ZNF804B: variants seen among roughly 807,000 people sequenced by gnomAD.
ZNF804B encodes the protein zinc finger 804B.
ZNF804B carries 80 observed loss-of-function variants against 101.4 expected under a neutral mutation model. The ratio of observed to expected loss-of-function variants is 0.79; its 90% CI spans 0.66 to 0.95. The LOEUF (loss-of-function observed/expected upper bound fraction) is 0.95, where lower values mean the gene tolerates loss of function less well. Among genes scored for constraint, ZNF804B ranks in the 40% least tolerant of loss-of-function variants. ZNF804B has a pLI of 0.00. For synonymous variants in ZNF804B, 622 were observed against 558.8 expected, an observed-to-expected ratio of 1.11 and a Z score of -1.59; for missense variants, 1,673 against 1,561.9, an observed-to-expected ratio of 1.07 and a Z score of -1.20.
intron 1 of ZNF804B, among the ~76,000 whole-genome samples, chr7:88,883,074 G>C (rs1374835230): frequency 6.6e-6 from 1 of 151,828 alleles, no homozygotes. Flanking sequence ...AAAAATAGAA[G>C]AAAAAAATTT....
At chr7:89,042,232 T>C (rs1042493236) in intron 1 of ZNF804B, among the ~76,000 whole-genome samples, 5 of 152,188 alleles carry the variant, frequency 3.3e-5, no homozygotes, top group Non-Finnish European at 7.3e-5. Context: ...TTCAGTTTCC[T>C]CTAATAATAA....
chr7:88,906,342 A>C (rs893624316), intron 1 of ZNF804B, among the ~76,000 whole-genome samples: 1 of 152,034 alleles, frequency 6.6e-6, no homozygotes, highest in South Asian at 2.1e-4. Flanking sequence ...TGCAAAGTTC[A>C]GTTGTTAACT....
At chr7:89,274,172 T>TA (rs1394249939) in intron 2 of ZNF804B, among the ~76,000 whole-genome samples, 6 of 149,872 alleles carry the variant, frequency 4.0e-5, no homozygotes, top group Non-Finnish European at 5.9e-5. Flanking sequence ...TCTTTTTTTT[T>TA]ATTATACTTT....
intron 1 of ZNF804B, among the ~76,000 whole-genome samples, chr7:88,846,887 A>T (rs185743478): frequency 2.8e-4 from 42 of 150,572 alleles, no homozygotes; most frequent in African/African-American, 1.0e-3. Flanking sequence ...ATAAATATAC[A>T]CATATTTTAT....
intron 3 of ZNF804B, among the ~76,000 whole-genome samples, chr7:89,331,955 T>A (rs1790991047): frequency 6.6e-6 from 1 of 151,392 alleles, no homozygotes; most frequent in Non-Finnish European, 1.5e-5. Context: ...TCACCCAAAT[T>A]AATCAACCTT....
chr7:89,036,036 A>G (rs1788922348), intron 1 of ZNF804B, among the ~76,000 whole-genome samples: 1 of 147,084 alleles, frequency 6.8e-6, no homozygotes, highest in African/African-American at 2.5e-5. Flanking sequence ...TATGTTATAT[A>G]TATATAATCC....
At chr7:88,820,163 G>A (rs1182426436) in intron 1 of ZNF804B, among the ~76,000 whole-genome samples, 2 of 152,108 alleles carry the variant, frequency 1.3e-5, no homozygotes, top group Admixed American at 6.6e-5. Context: ...TCTAAGGAGG[G>A]CATATAGATT....
intron 1 of ZNF804B, among the ~76,000 whole-genome samples, chr7:89,139,875 C>T (rs1261493230): frequency 7.2e-5 from 11 of 152,056 alleles, no homozygotes; most frequent in East Asian, 5.8e-4. Flanking sequence ...GAATCACACA[C>T]GTTCTTGATA....
intron 1 of ZNF804B, among the ~76,000 whole-genome samples, chr7:88,881,227 A>G (rs1206575566): frequency 1.3e-5 from 2 of 152,128 alleles, no homozygotes; most frequent in African/African-American, 4.8e-5. Context: ...TAATTTTCAT[A>G]CAACTTTATT....
chr7:89,312,324 C>T (rs1243894150), intron 2 of ZNF804B, among the ~76,000 whole-genome samples: 2 of 152,186 alleles, frequency 1.3e-5, no homozygotes, highest in African/African-American at 2.4e-5. Context: ...TCTTTATGTC[C>T]TGATTGTCCA....
At chr7:89,067,281 C>T (rs112966185) in intron 1 of ZNF804B, among the ~76,000 whole-genome samples, 3 of 152,110 alleles carry the variant, frequency 2.0e-5, no homozygotes, top group South Asian at 2.1e-4. Flanking sequence ...AATTGTAGAC[C>T]GAGTTGTTGA....
chr7:89,135,731 T>C (rs146112839), intron 1 of ZNF804B, among the ~76,000 whole-genome samples: 42 of 152,228 alleles, frequency 2.8e-4, no homozygotes. Flanking sequence ...ATTTTCAATA[T>C]ATTTTTGTTA....
At chr7:88,864,180 C>A (rs1791691369) in intron 1 of ZNF804B, among the ~76,000 whole-genome samples, 1 of 152,166 alleles carries the variant, frequency 6.6e-6, no homozygotes, top group Admixed American at 6.6e-5. Flanking sequence ...ATACCTCTCA[C>A]TTCTAACAAT....
At chr7:89,268,438 C>T (rs1476271931) in intron 2 of ZNF804B, among the ~76,000 whole-genome samples, 3 of 152,112 alleles carry the variant, frequency 2.0e-5, no homozygotes, top group East Asian at 3.8e-4. Flanking sequence ...AGTCTCTTCT[C>T]TGCTTTCCAA....
At chr7:88,950,409 G>C (rs1242458458) in intron 1 of ZNF804B, among the ~76,000 whole-genome samples, 3 of 151,832 alleles carry the variant, frequency 2.0e-5, no homozygotes, top group Non-Finnish European at 4.4e-5. Flanking sequence ...TAGAGGTTTA[G>C]CATATTTTCT....
intron 1 of ZNF804B, among the ~76,000 whole-genome samples, chr7:88,898,046 C>T (rs35688571): frequency 0.21 from 31,553 of 147,390 alleles, 3,743 homozygotes; most frequent in East Asian, 0.43. Flanking sequence ...CAAGCTACCC[C>T]ACCTCCTTCC....
chr7:89,227,022 A>G (rs1489544034), intron 2 of ZNF804B, among the ~76,000 whole-genome samples: 2 of 152,298 alleles, frequency 1.3e-5, no homozygotes, highest in Admixed American at 6.5e-5. Context: ...TTTGTTCATC[A>G]GGTCAGATGC....
At chr7:89,155,097 C>T (rs534479507) in intron 1 of ZNF804B, among the ~76,000 whole-genome samples, 2 of 152,212 alleles carry the variant, frequency 1.3e-5, no homozygotes, top group East Asian at 3.9e-4. Flanking sequence ...TTGTATGTTT[C>T]TTCTAGAGTC....
At chr7:89,147,502 C>T (rs1790809079) in intron 1 of ZNF804B, among the ~76,000 whole-genome samples, 1 of 151,930 alleles carries the variant, frequency 6.6e-6, no homozygotes, top group Admixed American at 6.6e-5. Context: ...AATGTAGAAA[C>T]TAGCAATTAT....
Sources: allele counts gnomAD v4.1 joint callset (sites outside exome capture counted in the v4.1 genomes callset), GRCh38; gene constraint gnomAD v4.1.1; transcripts MANE v1.5; gene names NCBI Gene and HGNC (gene_info 2026-07-23, HGNC 2026-07-21).